Variants in HS6ST3 observed in about 807,000 individuals in gnomAD.
HS6ST3 encodes heparan-sulfate 6-O-sulfotransferase 3.
In HS6ST3, 12 loss-of-function variants were observed where a neutral mutation model predicts 36.7. The observed-to-expected ratio is 0.33, with a 90% CI of 0.21 to 0.53. The LOEUF is 0.53. Among genes scored for constraint, HS6ST3 ranks in the 20% least tolerant of loss-of-function variants. The pLI is 0.95. For synonymous variants in HS6ST3, 240 were observed against 257.5 expected (o/e 0.93, Z 0.65); for missense variants, 584 against 640.9 (o/e 0.91, Z 0.96).
At chr13:96,726,679 T>C (rs184677214) in intron 1 of HS6ST3, among the ~76,000 whole-genome samples, 68 of 152,344 alleles carry the variant, frequency 4.5e-4, no homozygotes, top group African/African-American at 1.4e-3. Context: ...CTTTCCTGTA[T>C]GGCAAACCAT....
intron 1 of HS6ST3, among the ~76,000 whole-genome samples, chr13:96,557,715 A>G (rs1208469023): frequency 1.3e-5 from 2 of 152,212 alleles, no homozygotes; most frequent in Admixed American, 6.5e-5. Flanking sequence ...TGCCTTCAAG[A>G]CAGACATCCT....
At position 96,295,404 on chromosome 13, in the gene HS6ST3, A is replaced by C. The variant is rs566666184; in HGVS notation, c.707+203835A>C. Among the ~76,000 whole-genome samples the C allele has an allele frequency of 8.6e-4, 131 of 152,194 alleles. 1 individual carries two copies. Among genetic ancestry groups the C allele is most frequent in the African/African-American group, 3.0e-3 (124 of 41,548 alleles). Reference sequence around the variant, plus strand: ...TGTGATTTAGAAGCAGTTGCTGAGGAGAAGCCATGTTAACATAACAACAGT... The same window carrying C: ...TGTGATTTAGAAGCAGTTGCTGAGGCGAAGCCATGTTAACATAACAACAGT... On this transcript the variant is annotated intron_variant, in intron 1 of 1. Transcript: ENST00000376705.
At chr13:96,733,896 C>T (rs974061894) in intron 1 of HS6ST3, among the ~76,000 whole-genome samples, 1 of 152,132 alleles carries the variant, frequency 6.6e-6, no homozygotes, top group Non-Finnish European at 1.5e-5. Context: ...CTCCAGAATA[C>T]CTCAATTCCT....
intron 1 of HS6ST3, among the ~76,000 whole-genome samples, chr13:96,433,183 C>G (rs1250072939): frequency 6.6e-6 from 1 of 152,098 alleles, no homozygotes; most frequent in Non-Finnish European, 1.5e-5. Context: ...CAGTCAATAA[C>G]AAGGTTGTTC....
intron 1 of HS6ST3, among the ~76,000 whole-genome samples, chr13:96,726,143 T>C (rs1020422935): frequency 1.3e-5 from 2 of 152,202 alleles, no homozygotes; most frequent in African/African-American, 4.8e-5. Flanking sequence ...GCCTATGATA[T>C]GTTTTTAATT....
At chr13:96,221,458 C>T (rs747330457) in intron 1 of HS6ST3, among the ~76,000 whole-genome samples, 6 of 152,136 alleles carry the variant, frequency 3.9e-5, no homozygotes, top group Non-Finnish European at 5.9e-5. Flanking sequence ...GAACAATGCT[C>T]ATGGTAGCTT....
chr13:96,547,804 C>A (rs1326761100), intron 1 of HS6ST3, among the ~76,000 whole-genome samples: 1 of 152,040 alleles, frequency 6.6e-6, no homozygotes, highest in East Asian at 1.9e-4. Flanking sequence ...TAGTGCTTAG[C>A]ATTGCTTGGT....
intron 1 of HS6ST3, among the ~76,000 whole-genome samples, chr13:96,185,029 A>G (rs1043133132): frequency 3.3e-5 from 5 of 152,196 alleles, no homozygotes; most frequent in Admixed American, 6.5e-5. Flanking sequence ...TAGACATACT[A>G]CAGAATTCAT....
intron 1 of HS6ST3, among the ~76,000 whole-genome samples, chr13:96,154,368 T>C (rs558536544): frequency 3.0e-4 from 46 of 152,236 alleles, no homozygotes; most frequent in African/African-American, 1.1e-3. Flanking sequence ...TTATAACAGA[T>C]AGGTAAGTTT....
At position 96,300,047 on chromosome 13, in the gene HS6ST3, C is replaced by CTT. The variant is rs11350737; in HGVS notation, c.707+208504_707+208505dup. Among the ~76,000 whole-genome samples the CTT allele has an allele frequency of 5.5e-4, 41 of 74,572 alleles. 1 individual carries two copies. The highest frequency in any genetic ancestry group is 8.8e-4 in the East Asian group (2 of 2,276). The allele number at this position is 74,572 out of a possible 152,430, so 48.9% of individuals were successfully genotyped here. The stretch of plus-strand genomic sequence containing the variant: ...AGAAAGCGAAGGGAAAAGTGCTACA[C>CTT]TTTTTTTTTTTTTTTTTTTTTTTTT... On this transcript the variant is annotated intron_variant, in intron 1 of 1. Coordinates refer to ENST00000376705, the MANE Select transcript of HS6ST3 (RefSeq NM_153456.4).
intron 1 of HS6ST3, among the ~76,000 whole-genome samples, chr13:96,230,093 T>C (rs771591549): frequency 6.6e-6 from 1 of 152,132 alleles, no homozygotes; most frequent in Non-Finnish European, 1.5e-5. Flanking sequence ...CATCAGAGCT[T>C]AGGAGTTTGA....
intron 1 of HS6ST3, among the ~76,000 whole-genome samples, chr13:96,108,059 AG>A (rs1447456087): frequency 6.6e-6 from 1 of 152,218 alleles, no homozygotes; most frequent in Non-Finnish European, 1.5e-5. Flanking sequence ...ACTGCCTGGG[AG>A]CCGGGCAGGA....
intron 1 of HS6ST3, among the ~76,000 whole-genome samples, chr13:96,435,495 T>G (rs1457337516): frequency 6.6e-6 from 1 of 152,184 alleles, no homozygotes; most frequent in African/African-American, 2.4e-5. Flanking sequence ...ACTTAGGTGC[T>G]CCTTTCCCCA....
At chr13:96,318,243 G>A (rs1166083798) in intron 1 of HS6ST3, among the ~76,000 whole-genome samples, 1 of 152,128 alleles carries the variant, frequency 6.6e-6, no homozygotes, top group Non-Finnish European at 1.5e-5. Flanking sequence ...GAAAGATAAA[G>A]TTCCAGGGCC....
intron 1 of HS6ST3, among the ~76,000 whole-genome samples, chr13:96,818,479 G>A (rs1344886602): frequency 2.6e-5 from 4 of 152,190 alleles, no homozygotes; most frequent in Non-Finnish European, 5.9e-5. Flanking sequence ...TGAGTTACTA[G>A]CCCTGCTTGT....
At chr13:96,438,562 C>T (rs1200963412) in intron 1 of HS6ST3, among the ~76,000 whole-genome samples, 1 of 152,186 alleles carries the variant, frequency 6.6e-6, no homozygotes. Context: ...TGGGGCATTT[C>T]ATTGTTGTTC....
intron 1 of HS6ST3, among the ~76,000 whole-genome samples, chr13:96,349,719 G>A (rs1393335329): frequency 4.6e-5 from 7 of 152,090 alleles, no homozygotes; most frequent in Non-Finnish European, 1.0e-4. Context: ...TTTCAGTTCA[G>A]CAGAATTAAA....
chr13:96,536,550 C>A (rs1439674811), intron 1 of HS6ST3, among the ~76,000 whole-genome samples: 2 of 152,124 alleles, frequency 1.3e-5, no homozygotes, highest in Non-Finnish European at 2.9e-5. Flanking sequence ...TGGGAGCGTT[C>A]GTTTCTTTGT....
At chr13:96,159,647 A>G (rs61968031) in intron 1 of HS6ST3, among the ~76,000 whole-genome samples, 4,117 of 152,336 alleles carry the variant, frequency 0.027, 69 homozygotes, top group Non-Finnish European at 0.034. Flanking sequence ...TTGACTAAAT[A>G]TATTACACAA....
Sources: gnomAD v4.1 joint callset for allele counts (sites outside exome capture counted in the v4.1 genomes callset) on GRCh38, gnomAD v4.1.1 for gene constraint, MANE v1.5 for transcripts, NCBI Gene and HGNC (gene_info 2026-07-23, HGNC 2026-07-21) for gene names.